FRS2: variants seen among roughly 807,000 people sequenced by gnomAD.
The protein encoded by FRS2 is FGFR signalling adaptor.
A neutral mutation model predicts 43.9 loss-of-function variants in FRS2; 8 were observed. The ratio of observed to expected loss-of-function variants is 0.18; its 90% confidence interval spans 0.11 to 0.33. FRS2 has a LOEUF of 0.33. Ranked by LOEUF, FRS2 falls within the 10% of genes least tolerant of loss-of-function variation. FRS2 has a pLI of 1.00. For synonymous variants in FRS2, 219 were observed against 220.3 expected, an observed-to-expected ratio of 0.99 and a Z score of 0.05; for missense variants, 534 against 627.6, an observed-to-expected ratio of 0.85 and a Z score of 1.59.
intron 1 of FRS2, among the ~76,000 whole-genome samples, chr12:69,479,585 A>G (rs1271074424): frequency 6.6e-6 from 1 of 151,476 alleles, no homozygotes; most frequent in East Asian, 1.9e-4. Flanking sequence ...TTCAGTAGAG[A>G]TGGGGTTTCA....
In FRS2 at chr12:69,493,269, A is replaced by G. The variant is rs7961209; in HGVS notation, c.-261+22739A>G. Among the ~76,000 whole-genome samples, 1,453 of 152,286 alleles carry G rather than the reference A, an allele frequency of 9.5e-3. 27 individuals carry two copies. Among genetic ancestry groups the G allele is most frequent in the African/African-American group, 0.032 (1,342 of 41,526 alleles). ...AGCCTTTTCAGCAAAGTATACAGAC[A>G]TTTGGGCATCAGCCTTTTTGGTCTT... On this transcript the variant is annotated intron_variant, in intron 1 of 8. Coordinates refer to ENST00000549921, the MANE Select transcript of FRS2 (RefSeq NM_001278356.2).
chr12:69,549,352 TA>T (rs1193505073), intron 3 of FRS2, among the ~76,000 whole-genome samples: 1 of 152,236 alleles, frequency 6.6e-6, no homozygotes, highest in Non-Finnish European at 1.5e-5. Context: ...TTTAAGTATT[TA>T]AAAGCTGTTT....
intron 8 of FRS2, 143 bp from the exon 9 acceptor site, chr12:69,573,862 C>A: frequency 3.6e-6 from 2 of 557,462 alleles, no homozygotes; most frequent in Non-Finnish European, 6.2e-6. Context: ...AAAACAGGTG[C>A]AAAAGTTTTG....
chr12:69,514,095 G>A (rs183826500), intron 1 of FRS2, among the ~76,000 whole-genome samples: 97 of 151,720 alleles, frequency 6.4e-4, no homozygotes, highest in African/African-American at 2.1e-3. Flanking sequence ...AATAGATTTC[G>A]CCCCTGCATG....
intron 1 of FRS2, among the ~76,000 whole-genome samples, chr12:69,488,942 C>T (rs1427262218): frequency 6.6e-6 from 1 of 152,090 alleles, no homozygotes; most frequent in East Asian, 1.9e-4. Flanking sequence ...CTGTGTTGGG[C>T]ATTAGGGAGT....
chr12:69,569,101 G>A lies in FRS2; in HGVS notation c.66+5G>A. The A allele has an allele frequency of 6.3e-7, 1 of 1,578,686 alleles. No homozygotes were observed. The highest frequency in any genetic ancestry group is 8.7e-7 in the Non-Finnish European group (1 of 1,149,070). On this transcript the variant is annotated splice_donor_5th_base_variant and intron_variant, in intron 5 of 8. Transcript: ENST00000549921. The stretch of plus-strand genomic sequence containing the variant: ...AACCATCGGAACAAGTTTAAGGTCA[G>A]TAAAACTGGTTGAGTTATATATCTT...
Position 69,579,444 on chromosome 12 carries a change from G to A in FRS2, c.*4489G>A, listed in dbSNP as rs1332548629. ...TTATTAACTGGAGTACTTAGAATAA[G>A]CTAGTAATTGAATTTAGTTCAAGGG... is the stretch of plus-strand genomic sequence containing the variant. On this transcript the variant is annotated 3_prime_UTR_variant, in exon 9 of 9. Coordinates refer to ENST00000549921, the MANE Select transcript of FRS2 (RefSeq NM_001278356.2). The A allele has an allele frequency of 6.6e-6, 1 of 152,542 alleles. No individual in the cohort carries two copies. The highest frequency in any genetic ancestry group is 1.5e-5 in the Non-Finnish European group (1 of 68,022). 9.4% of individuals were successfully genotyped at this position (152,542 alleles called of 1,614,324 possible). A position where few individuals can be genotyped will look rare whatever the true frequency, so the allele number is the denominator to read the frequency against.
intron 1 of FRS2, among the ~76,000 whole-genome samples, chr12:69,498,032 T>C (rs1377151730): frequency 1.3e-5 from 2 of 152,000 alleles, no homozygotes; most frequent in African/African-American, 4.8e-5. Context: ...TTTTTTTATG[T>C]GTACATTAAC....
rs1876140617 is a variant in FRS2 at position 69,525,640 on chromosome 12, T to A, written c.-260-5225T>A. ...ATTGGTATCTTGAGAACGCGTGTCC[T>A]CTCTTTCCTCTCCTTTCCTTTCCTT... On this transcript the variant is annotated intron_variant, in intron 1 of 8. Transcript: ENST00000549921. Among the ~76,000 whole-genome samples, 6 of 152,162 alleles carry A rather than the reference T, an allele frequency of 3.9e-5. No individual in the cohort carries two copies. In the South Asian group the frequency reaches 1.2e-3, roughly 32 times the overall value.
intron 3 of FRS2, among the ~76,000 whole-genome samples, chr12:69,561,477 A>G (rs1438767928): frequency 6.6e-6 from 1 of 152,198 alleles, no homozygotes; most frequent in Admixed American, 6.5e-5. Context: ...GGTTTTCAGT[A>G]AATTTTAGTG....
chr12:69,521,890 A>G (rs533497642), intron 1 of FRS2, among the ~76,000 whole-genome samples: 14 of 152,224 alleles, frequency 9.2e-5, no homozygotes, highest in Non-Finnish European at 1.9e-4. Flanking sequence ...CTGGGATTAT[A>G]GGCGTGAGCC....
At chr12:69,568,904 A>C in intron 4 of FRS2, 101 bp from the exon 5 acceptor site, 1 of 528,048 alleles carries the variant, frequency 1.9e-6, no homozygotes, top group Non-Finnish European at 3.3e-6. Context: ...AATTTTCTGC[A>C]TCAGAATAAT....
At chr12:69,564,988 A>G (rs1040830564) in intron 4 of FRS2, among the ~76,000 whole-genome samples, 1 of 152,208 alleles carries the variant, frequency 6.6e-6, no homozygotes, top group African/African-American at 2.4e-5. Flanking sequence ...ATATCACTTA[A>G]TGGTGGAGAT....
chr12:69,529,583 A>G lies in FRS2; in HGVS notation c.-260-1282A>G, dbSNP rs11177705. ...TTGCAGTGAGCCGAGATTGTATCAC[A>G]ACACTCCAGCCTAGGTGACAGAGTG... On this transcript the variant is annotated intron_variant, in intron 1 of 8. Coordinates refer to ENST00000549921, the MANE Select transcript of FRS2 (RefSeq NM_001278356.2). 0.035 allele frequency among the ~76,000 whole-genome samples: 5,329 copies of G among 151,182 alleles called. 432 individuals carry two copies. The East Asian group carries it at 0.38, about 11-fold the overall frequency.
chr12:69,497,094 C>T (rs1872967947), intron 1 of FRS2, among the ~76,000 whole-genome samples: 1 of 152,182 alleles, frequency 6.6e-6, no homozygotes, highest in Admixed American at 6.5e-5. Flanking sequence ...GACTATTGGG[C>T]CCTGTTGTCT....
chr12:69,477,901 C>T (rs541191443), intron 1 of FRS2, among the ~76,000 whole-genome samples: 8 of 151,056 alleles, frequency 5.3e-5, no homozygotes, highest in Admixed American at 1.3e-4. Context: ...CCACCACGCC[C>T]GGCTAATTTT....
intron 1 of FRS2, among the ~76,000 whole-genome samples, chr12:69,490,357 T>C (rs978709804): frequency 6.6e-6 from 1 of 152,160 alleles, no homozygotes; most frequent in Admixed American, 6.5e-5. Flanking sequence ...TGAGGGATTA[T>C]AGTGTTCAGC....
chr12:69,564,692 C>G (rs977758003), intron 4 of FRS2, among the ~76,000 whole-genome samples: 1 of 152,012 alleles, frequency 6.6e-6, no homozygotes. Flanking sequence ...AGGTTTTTAT[C>G]ATATTTCATT....
intron 1 of FRS2, among the ~76,000 whole-genome samples, chr12:69,502,204 G>C (rs998600535): frequency 2.0e-5 from 3 of 152,100 alleles, no homozygotes; most frequent in African/African-American, 7.2e-5. Context: ...GAACTCAAGT[G>C]ATCTGCCCAC....
Sources: allele counts gnomAD v4.1 joint callset (sites outside exome capture counted in the v4.1 genomes callset), GRCh38; gene constraint gnomAD v4.1.1; transcripts MANE v1.5; gene names NCBI Gene and HGNC (gene_info 2026-07-23, HGNC 2026-07-21).